The following RC3H1 variants were observed in gnomAD, a reference collection of about 807,000 sequenced individuals.
The protein encoded by RC3H1 is ring finger and CCCH-type domains 1.
In RC3H1, 50 loss-of-function variants were observed where a neutral mutation model predicts 138.2. The observed-to-expected ratio is 0.36, with a 90% confidence interval of 0.29 to 0.46. RC3H1 has a LOEUF of 0.46. RC3H1 is among the 20% of genes least tolerant of loss of function. The pLI, the probability that RC3H1 is intolerant of heterozygous loss-of-function variation, is 1.00. For missense variants in RC3H1, 1,031 were observed against 1,388.1 expected (o/e 0.74, Z 4.09); for synonymous variants, 462 against 489.1 (o/e 0.94, Z 0.73).
rs145199036 is a variant in RC3H1 at position 174,000,229 on chromosome 1, C to T, written c.-150-7094G>A. Among the ~76,000 whole-genome samples, 1,091 of 152,236 alleles carry T rather than the reference C, an allele frequency of 7.2e-3. 9 individuals are homozygous for T. Among genetic ancestry groups the T allele is most frequent in the African/African-American group, 0.025 (1,038 of 41,542 alleles). On this transcript the variant is annotated intron_variant, in intron 1 of 19. Coordinates refer to ENST00000367696, the MANE Select transcript of RC3H1 (RefSeq NM_172071.4). ...ATAATGTAGAAACATAGAAACTATT[C>T]GAATCTGTTCTATGAGCACAGCAAT...
intron 7 of RC3H1, among the ~76,000 whole-genome samples, chr1:173,977,011 C>T (rs1281875920): frequency 3.3e-5 from 5 of 151,522 alleles, no homozygotes; most frequent in African/African-American, 4.9e-5. Flanking sequence ...CAAACTCTGC[C>T]GCCCGGGTTC....
chr1:174,011,494 T>G (rs979447855), intron 1 of RC3H1, among the ~76,000 whole-genome samples: 4 of 146,700 alleles, frequency 2.7e-5, no homozygotes, highest in Non-Finnish European at 6.0e-5. Context: ...GAAATCCAGG[T>G]TTTTTTTTTT....
intron 1 of RC3H1, among the ~76,000 whole-genome samples, chr1:174,015,525 C>T (rs1342578383): frequency 1.3e-5 from 2 of 151,662 alleles, no homozygotes; most frequent in African/African-American, 4.9e-5. Flanking sequence ...CCACCATGCC[C>T]GGCTAATTTT....
intron 2 of RC3H1, among the ~76,000 whole-genome samples, chr1:173,990,386 A>G (rs1661223589): frequency 6.6e-6 from 1 of 151,278 alleles, no homozygotes; most frequent in African/African-American, 2.4e-5. Context: ...GTCTAATTTT[A>G]CATTTCTTTT....
chr1:173,992,631 T>C (rs1321950692), intron 2 of RC3H1, 124 bp downstream of exon 2: 1 of 695,074 alleles, frequency 1.4e-6, no homozygotes, highest in Non-Finnish European at 2.4e-6. Flanking sequence ...TTACCCAATT[T>C]TAATTCAACA....
At chr1:173,957,715 C>T (rs992671826) in intron 13 of RC3H1, among the ~76,000 whole-genome samples, 2 of 151,834 alleles carry the variant, frequency 1.3e-5, no homozygotes, top group African/African-American at 4.8e-5. Context: ...TGTCCCACCA[C>T]ACCTAGCTCA....
At chr1:173,947,700 A>C in intron 14 of RC3H1, 118 bp from the exon 15 acceptor site, 1 of 709,270 alleles carries the variant, frequency 1.4e-6, no homozygotes, top group Non-Finnish European at 2.4e-6. Context: ...TAAGACTAAA[A>C]TCATTAGTTA....
At chr1:173,966,609 G>C (rs1660129110) in intron 9 of RC3H1, among the ~76,000 whole-genome samples, 1 of 152,034 alleles carries the variant, frequency 6.6e-6, no homozygotes, top group South Asian at 2.1e-4. Flanking sequence ...CAGCTACTCA[G>C]GAGGCTGAGA....
intron 13 of RC3H1, 153 bp downstream of exon 13, chr1:173,960,923 CA>C (rs2102927245): frequency 1.5e-6 from 1 of 680,998 alleles, no homozygotes; most frequent in Non-Finnish European, 2.4e-6. Context: ...ATACAAAAAT[CA>C]GTTCTAGATG....
intron 1 of RC3H1, among the ~76,000 whole-genome samples, chr1:174,010,862 T>C (rs1661737544): frequency 6.6e-6 from 1 of 152,194 alleles, no homozygotes; most frequent in Non-Finnish European, 1.5e-5. Context: ...GCAATAAGCA[T>C]ATAGTATGTT....
intron 7 of RC3H1, among the ~76,000 whole-genome samples, chr1:173,976,562 T>G (rs1185818112): frequency 6.6e-6 from 1 of 152,134 alleles, no homozygotes; most frequent in African/African-American, 2.4e-5. Context: ...AAAATAAGTT[T>G]GGATAGAGCA....
Position 173,957,334 on chromosome 1 carries a change from G to A in RC3H1, c.2370+3743C>T, listed in dbSNP as rs989310590. ...ATGTTTGATTTATAAATGAAGAAAC[G>A]TGCACCTCAGGATTCAGGGAGGCTA... On this transcript the variant is annotated intron_variant, in intron 13 of 19. Coordinates refer to ENST00000367696, the MANE Select transcript of RC3H1 (RefSeq NM_172071.4). 3.9e-5 allele frequency among the ~76,000 whole-genome samples: 6 copies of A among 152,040 alleles called. No individual in the cohort carries two copies. The East Asian group carries it at 7.7e-4, about 19-fold the overall frequency.
At chr1:173,976,035 A>G (rs1051481563) in intron 7 of RC3H1, among the ~76,000 whole-genome samples, 1 of 151,992 alleles carries the variant, frequency 6.6e-6, no homozygotes, top group African/African-American at 2.4e-5. Context: ...AACACTCCAA[A>G]GAGTACAGGA....
intron 6 of RC3H1, 144 bp downstream of exon 6, chr1:173,980,665 T>C: frequency 2.2e-6 from 1 of 458,914 alleles, no homozygotes; most frequent in Non-Finnish European, 3.8e-6. Flanking sequence ...AAAGTGGTAT[T>C]ATAACGTGAT....
rs200541930 is a variant in RC3H1 at position 173,961,847 on chromosome 1, T to G, written c.2080A>C (p.Ile694Leu). The change falls in exon 12 of 20, where the codon ATT becomes CTT. Residue 694 changes from isoleucine (I) to leucine (L), a missense_variant. Transcript: ENST00000367696. Reference protein sequence around the residue: ...EEIFRESPIPIEIPPAAVPSY... With the variant: ...EEIFRESPIPLEIPPAAVPSY... ...GGTACTGCTGCAGGTGGAATCTCAA[T>G]GGGTATAGGGCTTTCTCGGAATATC... is the stretch of plus-strand genomic sequence containing the variant. 6.2e-7 allele frequency: 1 copy of G among 1,614,154 alleles called. No homozygotes were observed. The highest frequency in any genetic ancestry group is 1.3e-5 in the African/African-American group (1 of 75,052).
chr1:173,964,078 T>A lies in RC3H1; in HGVS notation c.1726A>T (p.Met576Leu), dbSNP rs1332605295. The change falls in exon 11 of 20, where the codon ATG (methionine) becomes TTG (leucine). Residue 576 changes from methionine (M) to leucine (L), a missense_variant. Physicochemically the swap from Met to Leu is conservative, Grantham distance 15. This residue lies in a region of RC3H1 where 716 missense variants were observed against 837.9 expected (regional missense o/e 0.85). Coordinates refer to ENST00000367696, the MANE Select transcript of RC3H1 (RefSeq NM_172071.4). ...TATAACTGAGAACCTCGAGGTACCA[T>A]CTGAAGTGGTTTGGTAACAGGCATT... ...PPMPVTKPLQ[M>L]VPRGSQLYPA... The A allele has an allele frequency of 1.2e-6, 2 of 1,613,988 alleles. No individual in the cohort carries two copies. Among genetic ancestry groups the A allele is most frequent in the Non-Finnish European group, 1.7e-6 (2 of 1,179,984 alleles).
chr1:173,997,122 G>A (rs1290007450), intron 1 of RC3H1, among the ~76,000 whole-genome samples: 1 of 152,060 alleles, frequency 6.6e-6, no homozygotes, highest in Admixed American at 6.6e-5. Flanking sequence ...CTATATGGGA[G>A]GCTGAGGCAA....
intron 1 of RC3H1, among the ~76,000 whole-genome samples, chr1:173,996,920 T>TC (rs1661471686): frequency 6.6e-6 from 1 of 152,096 alleles, no homozygotes; most frequent in Non-Finnish European, 1.5e-5. Context: ...ATTCTGTTTT[T>TC]TTTTTGGGTA....
intron 14 of RC3H1, among the ~76,000 whole-genome samples, chr1:173,949,351 A>G (rs1012968868): frequency 6.6e-6 from 1 of 151,628 alleles, no homozygotes; most frequent in Non-Finnish European, 1.5e-5. Flanking sequence ...GTGAAGGCAT[A>G]CCTTTCAGCA....
Sources: allele counts gnomAD v4.1 joint callset (sites outside exome capture counted in the v4.1 genomes callset), GRCh38; gene constraint gnomAD v4.1.1; regional missense constraint gnomAD v4.1.1; transcripts MANE v1.5; gene names NCBI Gene and HGNC (gene_info 2026-07-23, HGNC 2026-07-21).